The following NPHS1 variants were observed in gnomAD, a reference collection of about 807,000 sequenced individuals.
The protein encoded by NPHS1 is nephrin.
In NPHS1, 107 loss-of-function variants were observed where a neutral mutation model predicts 139.7. The observed-to-expected ratio is 0.77, with a 90% CI of 0.66 to 0.90. The LOEUF is 0.90. Ranked by LOEUF, NPHS1 falls within the 40% of genes least tolerant of loss-of-function variation. NPHS1 has a pLI of 0.00. For missense variants in NPHS1, 1,580 were observed against 1,654.2 expected (o/e 0.96, Z 0.78); for synonymous variants, 707 against 706.6 (o/e 1.00, Z -0.01).
chr19:35,848,424 G>C (rs200012536), intron 9 of NPHS1, 27 bp from the exon 10 acceptor site: 13 of 1,613,984 alleles, frequency 8.1e-6, no homozygotes, highest in South Asian at 6.6e-5. Context: ...TTCAGACGTG[G>C]GGACTGCAGC....
rs386833889 is a variant in NPHS1, at chr19:35,845,711, C to T, written c.1715G>A (p.Ser572Asn). ...CCAGGACAAGTTGACCGGCGGATTG[C>T]TGCTGACGCTGACGCATGTCAAGTT... ...ALNLTCVSVSSNPPVNLSWDK... is the reference protein window; with the variant it reads ...ALNLTCVSVSNNPPVNLSWDK... The change falls in exon 13 of 29, where the codon AGC becomes AAC. Residue 572 changes from serine to asparagine, a missense_variant. Transcript: ENST00000378910. The surrounding 1 kb of genome is among the most constrained non-coding windows in gnomAD (Gnocchi z 5.5). 2.9e-5 allele frequency: 47 copies of T among 1,613,952 alleles called. No individual in the cohort carries two copies. The highest frequency in any genetic ancestry group is 4.0e-5 in the Non-Finnish European group (47 of 1,179,968).
Position 35,849,346 on chromosome 19 carries a change from CA to C in NPHS1, c.729del (p.Val244SerfsTer30). The C allele has an allele frequency of 6.2e-7, 1 of 1,612,466 alleles. No individual in the cohort carries two copies. Among genetic ancestry groups the C allele is most frequent in the Non-Finnish European group, 8.5e-7 (1 of 1,179,856 alleles). On this transcript the variant is annotated frameshift_variant, in exon 7 of 29. Transcript: ENST00000378910. LOFTEE classifies it high-confidence loss of function. ...TCATCCAGGCCTGGCCACTCGATGA[CA>C]GGGGGTCCTGGAGGGACTGGGGGAT... The part of the protein sequence containing the change: ...TVNVLFPPGP[P>X]VIEWPGLDEG...
rs1438328274 is a variant in NPHS1, at chr19:35,831,331, G to T, written c.3352C>A (p.Gln1118Lys). 7.4e-6 allele frequency: 12 copies of T among 1,613,990 alleles called. No individual in the cohort carries two copies. Among genetic ancestry groups the T allele is most frequent in the Non-Finnish European group, 1.0e-5 (12 of 1,180,008 alleles). Reference protein sequence around the residue: ...DRVRNEYEESQWTGERDTQSS... With the variant: ...DRVRNEYEESKWTGERDTQSS... ...TGAGTGTCCCGCTCTCCTGTCCACTGGCTCTCCTCATATTCGTTCCTGACT... is the reference window on the plus strand; with the variant it reads ...TGAGTGTCCCGCTCTCCTGTCCACTTGCTCTCCTCATATTCGTTCCTGACT... Residue 1118 changes from glutamine to lysine, a missense_variant, in exon 26 of 29, where the codon CAG becomes AAG. Coordinates refer to ENST00000378910, the MANE Select transcript of NPHS1 (RefSeq NM_004646.4).
chr19:35,844,592 A>C (rs1331878056), intron 14 of NPHS1, 133 bp from the exon 15 acceptor site: 2 of 907,618 alleles, frequency 2.2e-6, no homozygotes, highest in Non-Finnish European at 3.4e-6. Context: ...CAAGGTAACA[A>C]GTTCAGAGCT....
At chr19:35,844,043 G>C (rs1973098519) in intron 16 of NPHS1, 60 bp downstream of exon 16, 1 of 1,582,700 alleles carries the variant, frequency 6.3e-7, no homozygotes, top group African/African-American at 1.3e-5. Context: ...ACAATGAGGA[G>C]ACTCCACAAT....
chr19:35,850,407 C>A lies in NPHS1; in HGVS notation c.565G>T (p.Glu189Ter), dbSNP rs139598219. The change falls in exon 5 of 29, where the codon GAG (glutamate) becomes TAG (stop). Residue 189 changes from glutamate (E) to a stop codon, truncating the protein, a stop_gained. Transcript: ENST00000378910. LOFTEE classifies it high-confidence loss of function. ...TISDISANVN[E>*]GSQQKLFTVE... ...GTGAAGAGTTTCTGCTGGGAGCCCTCGTTCACGTTTGCAGAGATGTCAGAT... is the reference window on the plus strand; with the variant it reads ...GTGAAGAGTTTCTGCTGGGAGCCCTAGTTCACGTTTGCAGAGATGTCAGAT... The A allele has an allele frequency of 6.2e-7, 1 of 1,614,102 alleles. No individual in the cohort carries two copies.
intron 11 of NPHS1, among the ~76,000 whole-genome samples, chr19:35,847,474 C>A (rs1973161136): frequency 6.6e-6 from 1 of 151,010 alleles, no homozygotes; most frequent in African/African-American, 2.4e-5. Flanking sequence ...CCAGCCTCAG[C>A]CTCTCCAGTA....
intron 17 of NPHS1, 135 bp downstream of exon 17, chr19:35,843,337 C>T: frequency 8.7e-7 from 1 of 1,150,746 alleles, no homozygotes; most frequent in South Asian, 1.3e-5. Context: ...GTTATTCATT[C>T]TGGGAGCATG....
chr19:35,837,597 C>T, intron 22 of NPHS1, among the ~76,000 whole-genome samples: 1 of 151,744 alleles, frequency 6.6e-6, no homozygotes, highest in Non-Finnish European at 1.5e-5. Context: ...TTCTCTCTCT[C>T]TCTCTCTCTC....
At chr19:35,843,634 G>A (rs766826221) in intron 16 of NPHS1, 41 bp from the exon 17 acceptor site, 1 of 1,611,004 alleles carries the variant, frequency 6.2e-7, no homozygotes. Flanking sequence ...CTTGGGCCCA[G>A]ACAGGTCTGG....
chr19:35,828,622 GA>G (rs1245208255), intron 28 of NPHS1, among the ~76,000 whole-genome samples: 1 of 152,180 alleles, frequency 6.6e-6, no homozygotes, highest in Non-Finnish European at 1.5e-5. Context: ...TTGTGACATA[GA>G]AAAATTACAT....
Position 35,851,369 on chromosome 19 carries a change from T to A in NPHS1, c.290A>T (p.His97Leu), listed in dbSNP as rs750879791. The A allele has an allele frequency of 1.5e-5, 24 of 1,613,168 alleles. No individual in the cohort carries two copies. The highest frequency in any genetic ancestry group is 1.9e-5 in the Non-Finnish European group (22 of 1,179,738). Residue 97 changes from histidine (H) to leucine (L), a missense_variant, in exon 3 of 29, where the codon CAC becomes CTC. Physicochemically the swap from His to Leu is moderately conservative, Grantham distance 99 (BLOSUM62 -3). Transcript: ENST00000378910. ...GDPARGEFHL[H>L]IEACDLSDDA... ...ATCGCTGAGGTCACAGGCCTCGATGTGCAGGTGGAATTCACCTGCAGGGGG... is the reference window on the plus strand; with the variant it reads ...ATCGCTGAGGTCACAGGCCTCGATGAGCAGGTGGAATTCACCTGCAGGGGG...
intron 22 of NPHS1, among the ~76,000 whole-genome samples, chr19:35,837,241 T>C (rs1972980236): frequency 6.6e-6 from 1 of 152,186 alleles, no homozygotes; most frequent in African/African-American, 2.4e-5. Flanking sequence ...AATTGTAACA[T>C]ATTCATCATA....
Position 35,851,314 on chromosome 19 carries a change from G to A in NPHS1, c.345C>T (p.Arg115=), listed in dbSNP as rs1250426170. ...ACACGAGCTCGGGCCCCATCTCAGA[G>A]CGGCCGACCTGGCACTCATACTCCG... ...DDAEYECQVG[R]SEMGPELVSP... The change falls in exon 3 of 29, where the codon CGC becomes CGT. Residue 115 remains arginine (R), a synonymous_variant. Transcript: ENST00000378910. 11 of 1,613,904 alleles carry A rather than the reference G, an allele frequency of 6.8e-6. No homozygotes were observed. The highest frequency in any genetic ancestry group is 9.3e-6 in the Non-Finnish European group (11 of 1,179,962).
At position 35,849,019 on chromosome 19, in the gene NPHS1, C is replaced by T; in HGVS notation, c.969G>A (p.Val323=). ...TGCCGTGCTCCTGGGTCCCTGCAGA[C>T]ACGCTGTTGTGGGCCTCGCAGCTGA... ...AQLSCEAHNS[V]SAGTQEHGIT... Residue 323 remains valine, a synonymous_variant, in exon 8 of 29, where the codon GTG becomes GTA. Transcript: ENST00000378910. 1 of 1,612,380 alleles carries T rather than the reference C, an allele frequency of 6.2e-7. No homozygotes were observed. The highest frequency in any genetic ancestry group is 8.5e-7 in the Non-Finnish European group (1 of 1,180,032).
intron 11 of NPHS1, among the ~76,000 whole-genome samples, chr19:35,846,523 C>T (rs573756460): frequency 1.3e-5 from 2 of 152,230 alleles, no homozygotes; most frequent in Non-Finnish European, 2.9e-5. Flanking sequence ...AAATCTATTT[C>T]TGCTGTGTTT....
rs370633609 is a variant in NPHS1 at position 35,844,510 on chromosome 19, A to G, written c.1931-51T>C. The stretch of plus-strand genomic sequence containing the variant: ...CAAGATTGTTGTTAAGGTTAGGGTC[A>G]AGGACAGATTGGAGATCAGGCACAG... On this transcript the variant is annotated intron_variant, in intron 14 of 28. Coordinates refer to ENST00000378910, the MANE Select transcript of NPHS1 (RefSeq NM_004646.4). The G allele has an allele frequency of 1.1e-4, 172 of 1,536,028 alleles. No homozygotes were observed. In the African/African-American group the frequency reaches 2.1e-3, roughly 19 times the overall value.
intron 14 of NPHS1, 22 bp from the exon 15 acceptor site, chr19:35,844,481 G>T: frequency 6.5e-7 from 1 of 1,550,096 alleles, no homozygotes; most frequent in African/African-American, 1.4e-5. Context: ...GCGCCGCAGG[G>T]AGTCAAGATT....
intron 23 of NPHS1, among the ~76,000 whole-genome samples, chr19:35,834,235 G>A (rs1222006864): frequency 6.6e-6 from 1 of 152,078 alleles, no homozygotes; most frequent in East Asian, 1.9e-4. Context: ...TGACCCCCGT[G>A]ACCACCTCCA....
Sources: allele counts gnomAD v4.1 joint callset (sites outside exome capture counted in the v4.1 genomes callset), GRCh38; gene constraint gnomAD v4.1.1; non-coding constraint Gnocchi (gnomAD v3.1); transcripts MANE v1.5; gene names NCBI Gene and HGNC (gene_info 2026-07-23, HGNC 2026-07-21).